The following GAD2 variants were observed in gnomAD, a reference collection of about 807,000 sequenced individuals.
GAD2 encodes the protein glutamate decarboxylase 2.
GAD2 carries 22 observed loss-of-function variants against 80.1 expected under a neutral mutation model. The ratio of observed to expected loss-of-function variants is 0.27; its 90% confidence interval spans 0.20 to 0.39. The LOEUF is 0.39. GAD2 is among the 10% of genes least tolerant of loss of function. The pLI is 1.00. For synonymous variants in GAD2, 274 were observed against 256.9 expected (o/e 1.07, Z -0.64); for missense variants, 624 against 738.4 (o/e 0.85, Z 1.80).
chr10:26,273,612 T>G (rs1845164057), intron 10 of GAD2, 24 bp from the exon 11 acceptor site: 1 of 1,604,604 alleles, frequency 6.2e-7, no homozygotes, highest in Non-Finnish European at 8.5e-7. Flanking sequence ...CTGCTACCAT[T>G]TTCCTCATAT....
intron 7 of GAD2, among the ~76,000 whole-genome samples, chr10:26,233,038 T>C (rs1844625626): frequency 6.6e-6 from 1 of 152,204 alleles, no homozygotes; most frequent in African/African-American, 2.4e-5. Context: ...TGACTACTAT[T>C]TGACAGTTTC....
chr10:26,292,368 C>A, intron 13 of GAD2, 97 bp from the exon 14 acceptor site: 1 of 882,970 alleles, frequency 1.1e-6, no homozygotes, highest in Non-Finnish European at 1.8e-6. Context: ...CCAGACGGGG[C>A]TAAGACAGAG....
intron 8 of GAD2, among the ~76,000 whole-genome samples, chr10:26,259,362 G>C (rs1011812970): frequency 3.9e-5 from 6 of 152,042 alleles, no homozygotes; most frequent in Non-Finnish European, 7.4e-5. Context: ...ACCACCACTT[G>C]TTATTTTTTG....
At chr10:26,240,737 A>AG (rs1207813443) in intron 7 of GAD2, among the ~76,000 whole-genome samples, 8 of 150,328 alleles carry the variant, frequency 5.3e-5, no homozygotes, top group Admixed American at 2.0e-4. Flanking sequence ...ATCACAAAAA[A>AG]AAAAAAAAAT....
At chr10:26,266,552 T>C (rs1402781482) in intron 8 of GAD2, among the ~76,000 whole-genome samples, 3 of 152,204 alleles carry the variant, frequency 2.0e-5, no homozygotes, top group African/African-American at 7.2e-5. Context: ...CCACCTGCCA[T>C]ATGTCAGGCT....
intron 8 of GAD2, among the ~76,000 whole-genome samples, chr10:26,255,321 C>T (rs777782820): frequency 3.3e-5 from 5 of 152,044 alleles, no homozygotes; most frequent in African/African-American, 7.2e-5. Context: ...TCTAAGGAGG[C>T]GGCTGATGAG....
intron 7 of GAD2, among the ~76,000 whole-genome samples, chr10:26,244,586 T>C (rs2132286705): frequency 6.6e-6 from 1 of 152,264 alleles, no homozygotes; most frequent in East Asian, 1.9e-4. Context: ...TGCTACAACA[T>C]GGATGAACCT....
intron 7 of GAD2, among the ~76,000 whole-genome samples, chr10:26,233,513 G>C (rs1240619883): frequency 6.6e-6 from 1 of 152,170 alleles, no homozygotes; most frequent in Non-Finnish European, 1.5e-5. Context: ...AGTGAGTCCT[G>C]CCTTTGAAGC....
rs1396663430 is a variant in GAD2 at position 26,292,575 on chromosome 10, A to G, written c.1494+3A>G. On this transcript the variant is annotated splice_donor_region_variant and intron_variant, in intron 14 of 15. Coordinates refer to ENST00000376261, the MANE Select transcript of GAD2 (RefSeq NM_001134366.2). ...ATGAGATGGTGTTTGATGGGAAGGT[A>G]TGTATTTGGATTTCTACAATCTCAG... 1 of 1,597,664 alleles carries G rather than the reference A, an allele frequency of 6.3e-7. No homozygotes were observed. The highest frequency in any genetic ancestry group is 8.6e-7 in the Non-Finnish European group (1 of 1,165,254).
chr10:26,217,772 G>C lies in GAD2; in HGVS notation c.137-70G>C. On this transcript the variant is annotated intron_variant, in intron 2 of 15. Coordinates refer to ENST00000376261, the MANE Select transcript of GAD2 (RefSeq NM_001134366.2). This position sits in a 1 kb window ranked among gnomAD's most constrained non-coding sequence, Gnocchi z 4.9. ...GCGGAGTCGGGGTTTCCTGGCTGCG[G>C]GTAGGCGGGAGCGAGGGAGCCGGGC... 6.3e-7 allele frequency: 1 copy of C among 1,580,776 alleles called. No homozygotes were observed. The highest frequency in any genetic ancestry group is 1.1e-5 in the South Asian group (1 of 88,130).
chr10:26,247,248 G>T (rs572240591), intron 8 of GAD2, among the ~76,000 whole-genome samples: 1 of 152,250 alleles, frequency 6.6e-6, no homozygotes, highest in South Asian at 2.1e-4. Context: ...CATGGCATTT[G>T]TAAACTGTCA....
intron 8 of GAD2, among the ~76,000 whole-genome samples, chr10:26,255,214 G>A (rs1257465482): frequency 6.6e-6 from 1 of 152,208 alleles, no homozygotes; most frequent in Non-Finnish European, 1.5e-5. Flanking sequence ...CCGGGGCCAC[G>A]AGGGCCATGA....
intron 15 of GAD2, among the ~76,000 whole-genome samples, chr10:26,296,532 G>T (rs549089561): frequency 6.6e-6 from 1 of 152,168 alleles, no homozygotes; most frequent in African/African-American, 2.4e-5. Context: ...TGCAGATGGC[G>T]CTTTGTCCCT....
chr10:26,256,330 G>A (rs1313714109), intron 8 of GAD2, among the ~76,000 whole-genome samples: 1 of 152,050 alleles, frequency 6.6e-6, no homozygotes, highest in Non-Finnish European at 1.5e-5. Flanking sequence ...CTCAATGTAT[G>A]TTTCCTAAAA....
In GAD2 at chr10:26,217,885, G is replaced by A. The variant is rs758421966; in HGVS notation, c.180G>A (p.Gly60=). 53 of 1,608,104 alleles carry A rather than the reference G, an allele frequency of 3.3e-5. No homozygotes were observed. The African/African-American group carries it at 6.3e-4, about 19-fold the overall frequency. ...CCGAGAAGCCGGCGGAGAGCGGCGG[G>A]AGCCAACCCCCGCGGGCCGCCGCCC... ...GDAEKPAESG[G]SQPPRAAARK... Residue 60 remains glycine (G), a synonymous_variant, in exon 3 of 16, where the codon GGG becomes GGA. Transcript: ENST00000376261. The surrounding 1 kb of genome is among the most constrained non-coding windows in gnomAD (Gnocchi z 4.9).
chr10:26,296,203 G>C (rs945557561), intron 15 of GAD2, among the ~76,000 whole-genome samples: 3 of 152,104 alleles, frequency 2.0e-5, no homozygotes, highest in African/African-American at 7.2e-5. Flanking sequence ...GTGCCTTCCT[G>C]AACTAATCAC....
intron 8 of GAD2, among the ~76,000 whole-genome samples, chr10:26,248,954 C>T (rs997438198): frequency 2.0e-5 from 3 of 152,116 alleles, no homozygotes; most frequent in South Asian, 2.1e-4. Flanking sequence ...GCAAGATAGG[C>T]GAGAGGATCT....
intron 8 of GAD2, among the ~76,000 whole-genome samples, chr10:26,263,487 C>T (rs992622438): frequency 2.6e-5 from 4 of 152,158 alleles, no homozygotes; most frequent in African/African-American, 4.8e-5. Context: ...TGTAAAGACA[C>T]GGGGAGCTCT....
intron 4 of GAD2, among the ~76,000 whole-genome samples, chr10:26,221,213 C>A (rs1334058784): frequency 6.6e-6 from 1 of 152,194 alleles, no homozygotes; most frequent in Non-Finnish European, 1.5e-5. Flanking sequence ...ACCATCCTTG[C>A]TACTACCAGA....
Sources: gnomAD v4.1 joint callset for allele counts (sites outside exome capture counted in the v4.1 genomes callset) on GRCh38, gnomAD v4.1.1 for gene constraint, Gnocchi (gnomAD v3.1) non-coding constraint, MANE v1.5 for transcripts, NCBI Gene and HGNC (gene_info 2026-07-23, HGNC 2026-07-21) for gene names.